The following PDE4B variants were observed in gnomAD, a reference collection of about 807,000 sequenced individuals.
PDE4B encodes phosphodiesterase 4B.
A neutral mutation model predicts 82.2 loss-of-function variants in PDE4B; 20 were observed. The ratio of observed to expected loss-of-function variants is 0.24; its 90% confidence interval spans 0.17 to 0.35. PDE4B has a LOEUF of 0.35. PDE4B is among the 10% of genes least tolerant of loss of function. PDE4B has a pLI of 1.00. For missense variants in PDE4B, 655 were observed against 907.2 expected, an observed-to-expected ratio of 0.72 and a Z score of 3.57; for synonymous variants, 320 against 318.9, an observed-to-expected ratio of 1.00 and a Z score of -0.04.
chr1:65,831,521 A>G (rs956096666), intron 1 of PDE4B, among the ~76,000 whole-genome samples: 2 of 152,178 alleles, frequency 1.3e-5, no homozygotes, highest in African/African-American at 2.4e-5. Flanking sequence ...AAGTAAATTG[A>G]ATTTTTAGTT....
At chr1:66,142,211 AG>A (rs1448531383) in intron 3 of PDE4B, among the ~76,000 whole-genome samples, 1 of 152,116 alleles carries the variant, frequency 6.6e-6, no homozygotes, top group Non-Finnish European at 1.5e-5. Flanking sequence ...TTGCTGTCTC[AG>A]GGGTGGCAGA....
intron 3 of PDE4B, among the ~76,000 whole-genome samples, chr1:66,188,610 G>T (rs1647413941): frequency 1.3e-5 from 2 of 151,278 alleles, no homozygotes; most frequent in East Asian, 3.9e-4. Context: ...TGTCTCTTTT[G>T]ATCTTTGTTG....
intron 7 of PDE4B, among the ~76,000 whole-genome samples, chr1:66,280,513 A>C (rs940775408): frequency 5.3e-5 from 8 of 152,248 alleles, no homozygotes; most frequent in Non-Finnish European, 8.8e-5. Flanking sequence ...AGGTTGGAGC[A>C]TTCTTTATGT....
At chr1:65,794,737 G>A (rs565834317) in intron 1 of PDE4B, among the ~76,000 whole-genome samples, 1 of 152,094 alleles carries the variant, frequency 6.6e-6, no homozygotes, top group African/African-American at 2.4e-5. Context: ...TGCCAATTTT[G>A]TTAATTTACA....
chr1:65,839,379 C>CA (rs1005334689), intron 1 of PDE4B, among the ~76,000 whole-genome samples: 3 of 152,048 alleles, frequency 2.0e-5, no homozygotes, highest in African/African-American at 7.2e-5. Flanking sequence ...ATAAACCCAT[C>CA]ATCTACATTA....
intron 9 of PDE4B, chr1:66,360,336 C>G (rs1662658207): frequency 6.6e-6 from 1 of 152,148 alleles, no homozygotes; most frequent in African/African-American, 2.4e-5. Context: ...GAAGCCAGTA[C>G]TGTCTCACTG....
chr1:65,984,914 ATTAACTCTAAATTTAATT>A (rs1293193976), intron 3 of PDE4B, among the ~76,000 whole-genome samples: 2 of 140,504 alleles, frequency 1.4e-5, no homozygotes, highest in African/African-American at 4.9e-5. Flanking sequence ...AGTAAATTTG[ATTAACTCTAAATTTAATT>A]TTAAATTTAA....
At chr1:65,899,644 A>AAT (rs1646949442) in intron 1 of PDE4B, among the ~76,000 whole-genome samples, 1 of 148,118 alleles carries the variant, frequency 6.8e-6, no homozygotes, top group Admixed American at 6.8e-5. Context: ...TTATATATAT[A>AAT]ATATATATTA....
At chr1:65,816,333 TC>T (rs1645885847) in intron 1 of PDE4B, among the ~76,000 whole-genome samples, 1 of 151,982 alleles carries the variant, frequency 6.6e-6, no homozygotes, top group African/African-American at 2.4e-5. Context: ...ATATTAATTC[TC>T]CATAGTAACC....
chr1:66,056,246 C>T (rs1655285057), intron 3 of PDE4B, among the ~76,000 whole-genome samples: 1 of 151,870 alleles, frequency 6.6e-6, no homozygotes. Flanking sequence ...TCTTTCAGAC[C>T]TTTTCTCTAT....
At chr1:66,099,911 C>T (rs2101017472) in intron 3 of PDE4B, among the ~76,000 whole-genome samples, 1 of 152,238 alleles carries the variant, frequency 6.6e-6, no homozygotes, top group South Asian at 2.1e-4. Flanking sequence ...CAGATAATCT[C>T]TCATGTTTCT....
At chr1:65,902,914 C>G (rs1269671237) in intron 1 of PDE4B, among the ~76,000 whole-genome samples, 1 of 152,134 alleles carries the variant, frequency 6.6e-6, no homozygotes, top group Non-Finnish European at 1.5e-5. Flanking sequence ...GATATAGGCA[C>G]TGTAGTGGAA....
chr1:66,166,358 A>G (rs923144700), intron 3 of PDE4B, among the ~76,000 whole-genome samples: 1 of 152,244 alleles, frequency 6.6e-6, no homozygotes, highest in Non-Finnish European at 1.5e-5. Flanking sequence ...TATGACACCA[A>G]TTACATAAAT....
chr1:66,273,544 T>C lies in PDE4B; in HGVS notation c.634+7457T>C, dbSNP rs1382418543. ...ATTTTAACCCTTCATCTTCTTGATA[T>C]ACCTTCTGCAACTCACCCAAAATTA... On this transcript the variant is annotated intron_variant, in intron 7 of 16. Coordinates refer to ENST00000341517, the MANE Select transcript of PDE4B (RefSeq NM_002600.4). Among the ~76,000 whole-genome samples, 3 of 152,392 alleles carry C rather than the reference T, an allele frequency of 2.0e-5. 1 individual carries two copies. Among genetic ancestry groups the C allele is most frequent in the East Asian group, 3.9e-4 (2 of 5,190 alleles).
Position 66,372,795 on chromosome 1 carries a change from C to T in PDE4B, c.*117C>T. 2 of 1,025,592 alleles carry T rather than the reference C, an allele frequency of 2.0e-6. No individual in the cohort carries two copies. Among genetic ancestry groups the T allele is most frequent in the Non-Finnish European group, 2.8e-6 (2 of 705,700 alleles). 63.5% of individuals were successfully genotyped at this position (1,025,592 alleles called of 1,614,324 possible). A position where few individuals can be genotyped will look rare whatever the true frequency, so the allele number is the denominator to read the frequency against. ...ACAGGACAAGGGCCACCTGGCCTTT[C>T]AGTTACTTGAGTTTGGAGTCAGAAA... On this transcript the variant is annotated 3_prime_UTR_variant, in exon 17 of 17. Coordinates refer to ENST00000341517, the MANE Select transcript of PDE4B (RefSeq NM_002600.4).
At chr1:66,096,195 T>G (rs1194858502) in intron 3 of PDE4B, among the ~76,000 whole-genome samples, 1 of 151,768 alleles carries the variant, frequency 6.6e-6, no homozygotes, top group Non-Finnish European at 1.5e-5. Context: ...TAGCCTCTAG[T>G]ATCCTCTGTT....
rs183017971 is a variant in PDE4B, at chr1:66,102,883, C to A, written c.282-144577C>A. Among the ~76,000 whole-genome samples the A allele has an allele frequency of 6.6e-5, 10 of 152,016 alleles. No homozygotes were observed. In the East Asian group the frequency reaches 1.5e-3, roughly 23 times the overall value. ...GGTTTCAAATAGTTTAGTTATTGTG[C>A]CTTAAATATTGTTACAATAGTATTA... On this transcript the variant is annotated intron_variant, in intron 3 of 16. Transcript: ENST00000341517.
intron 3 of PDE4B, among the ~76,000 whole-genome samples, chr1:66,203,896 G>C (rs1418411218): frequency 6.6e-6 from 1 of 152,220 alleles, no homozygotes. Context: ...GTGAGGAACT[G>C]CATTCCTTTG....
chr1:65,832,532 T>C (rs1468299276), intron 1 of PDE4B, among the ~76,000 whole-genome samples: 2 of 152,152 alleles, frequency 1.3e-5, no homozygotes, highest in African/African-American at 4.8e-5. Context: ...AGTGAACCAC[T>C]GTGGCATTCA....
Sources: allele counts gnomAD v4.1 joint callset (sites outside exome capture counted in the v4.1 genomes callset), GRCh38; gene constraint gnomAD v4.1.1; transcripts MANE v1.5; gene names NCBI Gene and HGNC (gene_info 2026-07-23, HGNC 2026-07-21).